The following C1orf185 variants were observed in gnomAD, a reference collection of about 807,000 sequenced individuals.
The protein encoded by C1orf185 is chromosome 1 open reading frame 185.
In C1orf185, 13 loss-of-function variants were observed where a neutral mutation model predicts 16.1. The observed-to-expected ratio is 0.81, with a 90% CI of 0.53 to 1.28. The LOEUF is 1.28. Among genes scored for constraint, C1orf185 ranks in the 50% most tolerant of loss-of-function variants. The pLI, the probability that C1orf185 is intolerant of heterozygous loss-of-function variation, is 0.00. For synonymous variants in C1orf185, 80 were observed against 76.9 expected (o/e 1.04, Z -0.21); for missense variants, 220 against 225.2 (o/e 0.98, Z 0.15).
At chr1:51,105,992 G>C (rs1224986710) in intron 1 of C1orf185, among the ~76,000 whole-genome samples, 2 of 152,082 alleles carry the variant, frequency 1.3e-5, no homozygotes, top group Non-Finnish European at 2.9e-5. Context: ...ATTCCCCTGA[G>C]AGGTAAATGA....
At position 51,138,837 on chromosome 1, in the gene C1orf185, G is replaced by A. The variant is rs1263832415; in HGVS notation, c.259-6887G>A. Among the ~76,000 whole-genome samples, 12 of 152,090 alleles carry A rather than the reference G, an allele frequency of 7.9e-5. No individual in the cohort carries two copies. In the East Asian group the frequency reaches 1.2e-3, roughly 15 times the overall value. On this transcript the variant is annotated intron_variant, in intron 3 of 4. Coordinates refer to ENST00000371759, the MANE Select transcript of C1orf185 (RefSeq NM_001136508.2). ...CAACCAGCTGGGATTACAGGTGTGC[G>A]CCCCTATGCCCAGCTAATTTTTGTA...
intron 3 of C1orf185, among the ~76,000 whole-genome samples, chr1:51,124,279 G>T (rs985315943): frequency 6.6e-6 from 1 of 151,952 alleles, no homozygotes; most frequent in Non-Finnish European, 1.5e-5. Flanking sequence ...ACAGGGTTTC[G>T]CCATGTTGGC....
rs191774085 is a variant in C1orf185 at position 51,127,478 on chromosome 1, G to T, written c.258+8677G>T. ...AATTTTGTATTTTTAGTAGGACAGG[G>T]TTTCACCATGTTGGCCAGGCTAGTC... On this transcript the variant is annotated intron_variant, in intron 3 of 4. Coordinates refer to ENST00000371759, the MANE Select transcript of C1orf185 (RefSeq NM_001136508.2). Among the ~76,000 whole-genome samples, 252 of 152,128 alleles carry T rather than the reference G, an allele frequency of 1.7e-3. 2 individuals carry two copies. Among genetic ancestry groups the T allele is most frequent in the Admixed American group, 4.6e-3 (70 of 15,284 alleles).
chr1:51,135,748 A>G (rs540835960), intron 3 of C1orf185, among the ~76,000 whole-genome samples: 1 of 152,294 alleles, frequency 6.6e-6, no homozygotes, highest in South Asian at 2.1e-4. Context: ...AACAGGCACA[A>G]GACGAGAATG....
At chr1:51,129,415 G>C (rs923934432) in intron 3 of C1orf185, among the ~76,000 whole-genome samples, 1 of 152,046 alleles carries the variant, frequency 6.6e-6, no homozygotes, top group African/African-American at 2.4e-5. Context: ...TATATAAATG[G>C]AGTCATGTAA....
In C1orf185 at chr1:51,112,384, C is replaced by T. The variant is rs763725306; in HGVS notation, c.17-80C>T. 4 of 1,134,310 alleles carry T rather than the reference C, an allele frequency of 3.5e-6. No homozygotes were observed. In the Admixed American group the frequency reaches 7.1e-5, roughly 20 times the overall value. 70.3% of individuals were successfully genotyped at this position (1,134,310 alleles called of 1,614,324 possible). ...GTCTTAACACTACAACATGCTATATCATTTGAAGTTTATCATTCAGTTTTA... is the reference window on the plus strand; with the variant it reads ...GTCTTAACACTACAACATGCTATATTATTTGAAGTTTATCATTCAGTTTTA... On this transcript the variant is annotated intron_variant, in intron 1 of 4. Coordinates refer to ENST00000371759, the MANE Select transcript of C1orf185 (RefSeq NM_001136508.2).
In C1orf185 at chr1:51,103,410, AACACACACACACACAC is replaced by A. The variant is rs367808687; in HGVS notation, c.16+1185_16+1200del. 1.0e-3 allele frequency among the ~76,000 whole-genome samples: 130 copies of A among 128,920 alleles called. 1 individual carries two copies. The highest frequency in any genetic ancestry group is 3.9e-3 in the African/African-American group (128 of 32,578). The allele number at this position is 128,920 out of a possible 152,430, so 84.6% of individuals were successfully genotyped here. A position where few individuals can be genotyped will look rare whatever the true frequency, so the allele number is the denominator to read the frequency against. The stretch of plus-strand genomic sequence containing the variant: ...AACAGAGTGAGATCTTGTCTCGAAA[AACACACACACACACAC>A]ACACACACACACACACACACACAAA... On this transcript the variant is annotated intron_variant, in intron 1 of 4. Transcript: ENST00000371759.
At chr1:51,120,707 GATATAATA>G (rs1326233498) in intron 3 of C1orf185, among the ~76,000 whole-genome samples, 1 of 152,152 alleles carries the variant, frequency 6.6e-6, no homozygotes, top group East Asian at 1.9e-4. Flanking sequence ...AGGTACTAAT[GATATAATA>G]ATACCATCAT....
At chr1:51,125,886 G>A (rs767022568) in intron 3 of C1orf185, among the ~76,000 whole-genome samples, 16 of 152,088 alleles carry the variant, frequency 1.1e-4, no homozygotes, top group South Asian at 2.1e-4. Context: ...AGCTAGGTGC[G>A]GTGGCTCATA....
chr1:51,119,215 G>A (rs770525612), intron 3 of C1orf185, among the ~76,000 whole-genome samples: 1 of 152,098 alleles, frequency 6.6e-6, no homozygotes, highest in African/African-American at 2.4e-5. Flanking sequence ...AGCTCCTCTG[G>A]GCCCCTTTAT....
chr1:51,147,619 G>A lies in C1orf185; in HGVS notation c.448G>A (p.Ala150Thr), dbSNP rs1357656254. ...TTCTTATTACAGCCAAAGTATAGAA[G>A]CAGCTGATGACTGGTTTTCTGATGA... is the stretch of plus-strand genomic sequence containing the variant. ...SDSYYSQSIE[A>T]ADDWFSDDSL... Residue 150 changes from alanine (A) to threonine (T), a missense_variant, in exon 5 of 5, where the codon GCA becomes ACA. Transcript: ENST00000371759. The A allele has an allele frequency of 1.9e-6, 3 of 1,551,476 alleles. No homozygotes were observed. Among genetic ancestry groups the A allele is most frequent in the Non-Finnish European group, 2.6e-6 (3 of 1,146,902 alleles).
In C1orf185 at chr1:51,112,334, C is replaced by T. The variant is rs1210049408; in HGVS notation, c.17-130C>T. 7.3e-6 allele frequency: 5 copies of T among 680,580 alleles called. No homozygotes were observed. In the African/African-American group the frequency reaches 9.2e-5, roughly 13 times the overall value. 42.2% of individuals were successfully genotyped at this position (680,580 alleles called of 1,614,324 possible). ...ATTAGAATTGCATGGGACTAGAATT[C>T]CCATCTCCCAATCTCCTGGTTAATG... is the stretch of plus-strand genomic sequence containing the variant. On this transcript the variant is annotated intron_variant, in intron 1 of 4. Coordinates refer to ENST00000371759, the MANE Select transcript of C1orf185 (RefSeq NM_001136508.2).
intron 3 of C1orf185, among the ~76,000 whole-genome samples, chr1:51,145,054 C>G (rs1646389630): frequency 1.3e-5 from 2 of 152,108 alleles, no homozygotes; most frequent in Admixed American, 1.3e-4. Context: ...TCCGGTAATT[C>G]TAATCCCCTA....
At chr1:51,132,770 A>G (rs878949955) in intron 3 of C1orf185, among the ~76,000 whole-genome samples, 2 of 152,106 alleles carry the variant, frequency 1.3e-5, no homozygotes, top group Admixed American at 1.3e-4. Flanking sequence ...TGGATTCTCC[A>G]AGGTCAAAAT....
chr1:51,129,343 C>T (rs1646266802), intron 3 of C1orf185, among the ~76,000 whole-genome samples: 1 of 152,164 alleles, frequency 6.6e-6, no homozygotes, highest in Non-Finnish European at 1.5e-5. Context: ...CCTCCCTTTC[C>T]CTAGCTCCTG....
At chr1:51,115,615 C>T (rs141487568) in intron 2 of C1orf185, among the ~76,000 whole-genome samples, 10 of 152,062 alleles carry the variant, frequency 6.6e-5, no homozygotes, top group Admixed American at 2.0e-4. Flanking sequence ...TTATTAGAAA[C>T]GGCCAAACAC....
chr1:51,145,165 G>A (rs576546958), intron 3 of C1orf185, among the ~76,000 whole-genome samples: 106 of 152,034 alleles, frequency 7.0e-4, no homozygotes, highest in Non-Finnish European at 1.2e-3. Context: ...CCCAAGCCAG[G>A]TATGGTGGCG....
chr1:51,115,082 C>T (rs1646148392), intron 2 of C1orf185, among the ~76,000 whole-genome samples: 1 of 152,124 alleles, frequency 6.6e-6, no homozygotes. Flanking sequence ...CAGTGGCTGA[C>T]GTCTGTAATC....
At chr1:51,141,192 T>C (rs1375025838) in intron 3 of C1orf185, among the ~76,000 whole-genome samples, 1 of 152,174 alleles carries the variant, frequency 6.6e-6, no homozygotes, top group Non-Finnish European at 1.5e-5. Context: ...TGTACAGTGA[T>C]ATTAAGAAGA....
Sources: gnomAD v4.1 joint callset for allele counts (sites outside exome capture counted in the v4.1 genomes callset) on GRCh38, gnomAD v4.1.1 for gene constraint, MANE v1.5 for transcripts, NCBI Gene and HGNC (gene_info 2026-07-23, HGNC 2026-07-21) for gene names.